Variants in FMNL2 observed in about 807,000 individuals in gnomAD.
FMNL2 encodes formin-like protein 2.
In FMNL2, 51 loss-of-function variants were observed where a neutral mutation model predicts 130.2. The ratio of observed to expected loss-of-function variants is 0.39; its 90% CI spans 0.31 to 0.49. The LOEUF (loss-of-function observed/expected upper bound fraction) is 0.49. FMNL2 is among the 20% of genes least tolerant of loss of function. The pLI, the probability that FMNL2 is intolerant of heterozygous loss-of-function variation, is 0.85. For missense variants in FMNL2, 977 were observed against 1,316.2 expected (o/e 0.74, Z 3.99); for synonymous variants, 465 against 467.1 (o/e 1.00, Z 0.06).
chr2:152,532,869 A>G (rs1306290382), intron 2 of FMNL2, among the ~76,000 whole-genome samples: 1 of 152,100 alleles, frequency 6.6e-6, no homozygotes, highest in Non-Finnish European at 1.5e-5. Flanking sequence ...TGGCCTCCCA[A>G]AGAGCTGGGA....
chr2:152,504,929 G>A (rs1692070695), intron 1 of FMNL2, among the ~76,000 whole-genome samples: 2 of 152,138 alleles, frequency 1.3e-5, no homozygotes, highest in East Asian at 1.9e-4. Flanking sequence ...AAATACTGAC[G>A]TGTAAGGAAA....
chr2:152,400,658 C>G (rs1292883145), intron 1 of FMNL2, among the ~76,000 whole-genome samples: 1 of 152,100 alleles, frequency 6.6e-6, no homozygotes, highest in Admixed American at 6.6e-5. Flanking sequence ...GTTTCTTAAC[C>G]TTAACACTAT....
In FMNL2 at chr2:152,607,430, T is replaced by C; in HGVS notation, c.951+17T>C. ...GATTTTATGGTGAGTTATTTCAGTA[T>C]TCAATAAAGCAAACTCAGTTTCAAT... is the stretch of plus-strand genomic sequence containing the variant. On this transcript the variant is annotated intron_variant, in intron 10 of 25. Coordinates refer to ENST00000288670, the MANE Select transcript of FMNL2 (RefSeq NM_052905.4). The C allele has an allele frequency of 6.3e-7, 1 of 1,593,786 alleles. No homozygotes were observed. Among genetic ancestry groups the C allele is most frequent in the Non-Finnish European group, 8.6e-7 (1 of 1,164,214 alleles).
chr2:152,394,706 A>C (rs558846661), intron 1 of FMNL2, among the ~76,000 whole-genome samples: 98 of 127,146 alleles, frequency 7.7e-4, no homozygotes, highest in African/African-American at 2.7e-3. Flanking sequence ...TATATTACAT[A>C]ACATTAACTG....
chr2:152,453,793 A>G (rs1484196953), intron 1 of FMNL2, among the ~76,000 whole-genome samples: 3 of 152,198 alleles, frequency 2.0e-5, no homozygotes, highest in East Asian at 3.8e-4. Context: ...ATTGTGTATA[A>G]CAGAAAGCCA....
chr2:152,434,335 A>T (rs1427739204), intron 1 of FMNL2, among the ~76,000 whole-genome samples: 1 of 152,224 alleles, frequency 6.6e-6, no homozygotes, highest in Non-Finnish European at 1.5e-5. Context: ...TAAAGGCATT[A>T]GCATTGCATA....
At chr2:152,472,642 G>A (rs1689920940) in intron 1 of FMNL2, among the ~76,000 whole-genome samples, 1 of 152,166 alleles carries the variant, frequency 6.6e-6, no homozygotes, top group South Asian at 2.1e-4. Flanking sequence ...AAAGAATTGT[G>A]AATTGCAAAA....
intron 1 of FMNL2, among the ~76,000 whole-genome samples, chr2:152,353,509 G>A (rs184984849): frequency 2.6e-5 from 4 of 152,310 alleles, no homozygotes; most frequent in Admixed American, 2.6e-4. Flanking sequence ...TTGTTAGAAA[G>A]CCCACAGTCT....
intron 1 of FMNL2, among the ~76,000 whole-genome samples, chr2:152,439,629 T>C (rs1687953223): frequency 6.6e-6 from 1 of 151,976 alleles, no homozygotes; most frequent in East Asian, 1.9e-4. Flanking sequence ...TGAATATCTG[T>C]GTAATGTGCC....
chr2:152,519,051 A>T lies in FMNL2; in HGVS notation c.118-2892A>T, dbSNP rs181025313. On this transcript the variant is annotated intron_variant, in intron 1 of 25. Transcript: ENST00000288670. ...CTCTCTGGCTGTTCTGACTTTTTTC[A>T]GCTCCTTAAATGTGGAAAGCTAATT... Among the ~76,000 whole-genome samples, 182 of 151,920 alleles carry T rather than the reference A, an allele frequency of 1.2e-3. 2 individuals are homozygous for T. The highest frequency in any genetic ancestry group is 6.9e-4 in the Non-Finnish European group (47 of 67,992).
At chr2:152,382,457 G>C (rs2105900254) in intron 1 of FMNL2, among the ~76,000 whole-genome samples, 1 of 152,306 alleles carries the variant, frequency 6.6e-6, no homozygotes, top group East Asian at 1.9e-4. Context: ...AATTTTCAGT[G>C]CTTCCTGGTG....
Position 152,469,736 on chromosome 2 carries a change from G to A in FMNL2, c.118-52207G>A, listed in dbSNP as rs140716402. ...TGTTCTGATCTTTTTCTTCTGCTAT[G>A]TTTTCTGGTTATAATTTTTTTAAAA... On this transcript the variant is annotated intron_variant, in intron 1 of 25. Transcript: ENST00000288670. Among the ~76,000 whole-genome samples, 111 of 152,244 alleles carry A rather than the reference G, an allele frequency of 7.3e-4. 1 individual carries two copies. The highest frequency in any genetic ancestry group is 2.4e-3 in the African/African-American group (100 of 41,548).
At chr2:152,639,395 A>T (rs1428667797) in intron 23 of FMNL2, among the ~76,000 whole-genome samples, 1 of 152,172 alleles carries the variant, frequency 6.6e-6, no homozygotes, top group Non-Finnish European at 1.5e-5. Flanking sequence ...CCGGCTTCAA[A>T]AGAAAGAGTG....
At chr2:152,349,781 A>G (rs1682367983) in intron 1 of FMNL2, among the ~76,000 whole-genome samples, 1 of 151,032 alleles carries the variant, frequency 6.6e-6, no homozygotes, top group African/African-American at 2.4e-5. Context: ...GTTTCCTTGG[A>G]ATAGGAAGTA....
At chr2:152,379,699 A>G (rs1054514746) in intron 1 of FMNL2, among the ~76,000 whole-genome samples, 1 of 152,228 alleles carries the variant, frequency 6.6e-6, no homozygotes, top group African/African-American at 2.4e-5. Context: ...CTCTGTTCCC[A>G]GGTTGGGTGG....
chr2:152,547,029 G>T (rs776835238), intron 3 of FMNL2, among the ~76,000 whole-genome samples: 1 of 147,280 alleles, frequency 6.8e-6, no homozygotes, highest in Admixed American at 7.0e-5. Context: ...TGCTGCAACC[G>T]CTGCCTCCCA....
At chr2:152,554,575 C>A (rs1695107156) in intron 4 of FMNL2, among the ~76,000 whole-genome samples, 1 of 152,168 alleles carries the variant, frequency 6.6e-6, no homozygotes, top group East Asian at 1.9e-4. Context: ...TTTTAAAAAT[C>A]ACATTTGTTA....
intron 25 of FMNL2, chr2:152,643,690 C>G: frequency 7.0e-7 from 1 of 1,434,020 alleles, no homozygotes; most frequent in East Asian, 2.5e-5. Flanking sequence ...ATTATTATTG[C>G]TCACTCACTG....
intron 1 of FMNL2, among the ~76,000 whole-genome samples, chr2:152,431,095 AG>A (rs1257424336): frequency 6.6e-6 from 1 of 152,178 alleles, no homozygotes; most frequent in Non-Finnish European, 1.5e-5. Flanking sequence ...TGTTTTCTGC[AG>A]GGATCTTGAG....
Sources: gnomAD v4.1 joint callset for allele counts (sites outside exome capture counted in the v4.1 genomes callset) on GRCh38, gnomAD v4.1.1 for gene constraint, MANE v1.5 for transcripts, NCBI Gene and HGNC (gene_info 2026-07-23, HGNC 2026-07-21) for gene names.